The following CACNA2D1 variants were observed in gnomAD, a reference collection of about 807,000 sequenced individuals.
The protein encoded by CACNA2D1 is voltage-dependent calcium channel subunit alpha-2/delta-1.
A neutral mutation model predicts 171.5 loss-of-function variants in CACNA2D1; 53 were observed. The observed-to-expected ratio is 0.31, with a 90% CI of 0.25 to 0.39. The LOEUF (loss-of-function observed/expected upper bound fraction) is 0.39, where lower values mean the gene tolerates loss of function less well. Ranked by LOEUF, CACNA2D1 falls within the 10% of genes least tolerant of loss-of-function variation. CACNA2D1 has a pLI of 1.00. For synonymous variants in CACNA2D1, 442 were observed against 443.1 expected, an observed-to-expected ratio of 1.00 and a Z score of 0.03; for missense variants, 903 against 1,299.8, an observed-to-expected ratio of 0.69 and a Z score of 4.69.
rs116337821 is a variant in CACNA2D1 at position 82,371,882 on chromosome 7, G to A, written c.96-22233C>T. Among the ~76,000 whole-genome samples the A allele has an allele frequency of 3.0e-3, 456 of 152,140 alleles. 1 individual carries two copies. Among genetic ancestry groups the A allele is most frequent in the African/African-American group, 0.01 (420 of 41,522 alleles). On this transcript the variant is annotated intron_variant, in intron 1 of 38. Transcript: ENST00000356860. ...GCCCAGCCAGCTTTAATTCTTTTAA[G>A]AACCAATAATTATTTCCATTAGAAC... is the stretch of plus-strand genomic sequence containing the variant.
intron 1 of CACNA2D1, among the ~76,000 whole-genome samples, chr7:82,426,616 G>C (rs1188324340): frequency 6.6e-6 from 1 of 152,108 alleles, no homozygotes; most frequent in African/African-American, 2.4e-5. Context: ...GGTAATTATT[G>C]CTTATGTATC....
chr7:82,386,943 T>A (rs1438667518), intron 1 of CACNA2D1, among the ~76,000 whole-genome samples: 1 of 151,972 alleles, frequency 6.6e-6, no homozygotes, highest in East Asian at 1.9e-4. Context: ...GTAAATATAA[T>A]TACATCTAAG....
At chr7:81,966,327 A>G (rs1484074449) in intron 31 of CACNA2D1, among the ~76,000 whole-genome samples, 1 of 151,670 alleles carries the variant, frequency 6.6e-6, no homozygotes, top group Non-Finnish European at 1.5e-5. Flanking sequence ...TGGTTTTCAA[A>G]GTTGAGGATG....
chr7:82,312,709 T>G (rs1415689512), intron 3 of CACNA2D1, among the ~76,000 whole-genome samples: 2 of 151,554 alleles, frequency 1.3e-5, no homozygotes, highest in Non-Finnish European at 2.9e-5. Context: ...ATTTTTTGCA[T>G]TTTTAGTACA....
At chr7:82,247,660 T>G (rs1272972439) in intron 3 of CACNA2D1, among the ~76,000 whole-genome samples, 1 of 152,224 alleles carries the variant, frequency 6.6e-6, no homozygotes, top group East Asian at 1.9e-4. Context: ...GACATCAGGT[T>G]GACAAAGTCA....
chr7:82,000,771 C>CTTTTTTTTTTTTTTTTTTTTTTT lies in CACNA2D1; in HGVS notation c.1591-3544_1591-3522dup, dbSNP rs774565705. On this transcript the variant is annotated intron_variant, in intron 18 of 38. Transcript: ENST00000356860. ...TACCATGCCTAACTAATTTTTCTTTCTTTTTTTTTTTTTTTTTTTTTTTTT... is the reference window on the plus strand; with the variant it reads ...TACCATGCCTAACTAATTTTTCTTTCTTTTTTTTTTTTTTTTTTTTTTTTTTTTTTTTTTTTTTTTTTTTTTTT... Among the ~76,000 whole-genome samples the CTTTTTTTTTTTTTTTTTTTTTTT allele has an allele frequency of 5.8e-5, 3 of 51,912 alleles. 1 individual carries two copies. The highest frequency in any genetic ancestry group is 1.1e-4 in the Non-Finnish European group (3 of 27,690). The allele number at this position is 51,912 out of a possible 152,430, so 34.1% of individuals were successfully genotyped here. A position where few individuals can be genotyped will look rare whatever the true frequency, so the allele number is the denominator to read the frequency against.
intron 3 of CACNA2D1, among the ~76,000 whole-genome samples, chr7:82,224,325 C>T (rs1802117959): frequency 6.6e-6 from 1 of 152,146 alleles, no homozygotes; most frequent in African/African-American, 2.4e-5. Flanking sequence ...CAGTGGCTCA[C>T]GCCTGTAATG....
At chr7:82,278,329 A>G (rs1447383684) in intron 3 of CACNA2D1, among the ~76,000 whole-genome samples, 2 of 152,202 alleles carry the variant, frequency 1.3e-5, no homozygotes, top group African/African-American at 2.4e-5. Flanking sequence ...CTGTAATCCC[A>G]GCACTTTGGG....
At chr7:81,956,688 C>G (rs1793399024) in intron 38 of CACNA2D1, among the ~76,000 whole-genome samples, 1 of 152,072 alleles carries the variant, frequency 6.6e-6, no homozygotes. Flanking sequence ...ATCACCCCTG[C>G]CTGTGAATTC....
At chr7:81,962,591 T>C (rs918938223) in intron 34 of CACNA2D1, 96 bp from the exon 35 acceptor site, 20 of 773,382 alleles carry the variant, frequency 2.6e-5, no homozygotes, top group Middle Eastern at 3.5e-4. Flanking sequence ...TTTATCTTTT[T>C]GGGAAAGAAA....
At chr7:82,442,715 G>A (rs1197057039) in intron 1 of CACNA2D1, among the ~76,000 whole-genome samples, 1 of 152,192 alleles carries the variant, frequency 6.6e-6, no homozygotes, top group African/African-American at 2.4e-5. Flanking sequence ...CCGCGTGTCT[G>A]CCGACACTTA....
rs79556764 is a variant in CACNA2D1 at position 82,232,121 on chromosome 7, G to A, written c.295-61512C>T. Reference sequence around the variant, plus strand: ...AATAAATACTCAGCAATAGGAATACGAGCCAAAGAGTATGTGTATATTTAT... The same window carrying A: ...AATAAATACTCAGCAATAGGAATACAAGCCAAAGAGTATGTGTATATTTAT... On this transcript the variant is annotated intron_variant, in intron 3 of 38. Coordinates refer to ENST00000356860, the MANE Select transcript of CACNA2D1 (RefSeq NM_000722.4). 6.2e-3 allele frequency among the ~76,000 whole-genome samples: 949 copies of A among 152,040 alleles called. 13 individuals are homozygous for A. The highest frequency in any genetic ancestry group is 0.022 in the African/African-American group (907 of 41,474).
intron 10 of CACNA2D1, among the ~76,000 whole-genome samples, chr7:82,046,731 G>C (rs1396951134): frequency 6.6e-6 from 1 of 152,050 alleles, no homozygotes; most frequent in Non-Finnish European, 1.5e-5. Flanking sequence ...AGATAAAATG[G>C]AATACAATTC....
intron 24 of CACNA2D1, among the ~76,000 whole-genome samples, chr7:81,975,673 G>A (rs1265394197): frequency 6.6e-6 from 1 of 152,044 alleles, no homozygotes; most frequent in Non-Finnish European, 1.5e-5. Flanking sequence ...AAGCATCCGT[G>A]ATTTTGTAAA....
At position 82,084,796 on chromosome 7, in the gene CACNA2D1, C is replaced by T; in HGVS notation, c.631G>A (p.Ala211Thr). 1 of 1,614,040 alleles carries T rather than the reference C, an allele frequency of 6.2e-7. No homozygotes were observed. Among genetic ancestry groups the T allele is most frequent in the Non-Finnish European group, 8.5e-7 (1 of 1,179,916 alleles). ...GGATAATATCGAGCTAGGCCAGTGG[C>T]ACTGCCAAAAACCTGCCACAATAAT... ...PSLLWQVFGSATGLARYYPAS... is the reference protein window; with the variant it reads ...PSLLWQVFGSTTGLARYYPAS... The change falls in exon 7 of 39, where the codon GCC (alanine) becomes ACC (threonine). Residue 211 changes from alanine to threonine, a missense_variant. Transcript: ENST00000356860.
At chr7:82,370,572 T>TGGATGGATGGATGGATGGAC (rs35737652) in intron 1 of CACNA2D1, among the ~76,000 whole-genome samples, 5,699 of 151,158 alleles carry the variant, frequency 0.038, 163 homozygotes, top group Middle Eastern at 0.075. Flanking sequence ...GATGGATGGA[T>TGGATGGATGGATGGATGGAC]GGATGGATAG....
chr7:82,176,615 C>T (rs541179877), intron 3 of CACNA2D1, among the ~76,000 whole-genome samples: 45 of 151,624 alleles, frequency 3.0e-4, no homozygotes, highest in African/African-American at 1.1e-3. Flanking sequence ...AACAGACTAA[C>T]CAGGATGAGT....
intron 3 of CACNA2D1, among the ~76,000 whole-genome samples, chr7:82,177,046 C>T (rs1411460515): frequency 9.1e-6 from 1 of 109,694 alleles, no homozygotes; most frequent in East Asian, 3.1e-4. Context: ...TAGCCAATGA[C>T]AAGATTTAGC....
At chr7:82,360,319 G>C (rs150451735) in intron 1 of CACNA2D1, among the ~76,000 whole-genome samples, 105 of 152,236 alleles carry the variant, frequency 6.9e-4, no homozygotes, top group African/African-American at 2.5e-3. Context: ...GTTAGAAAAT[G>C]AAGATTTAAA....
Sources: gnomAD v4.1 joint callset for allele counts (sites outside exome capture counted in the v4.1 genomes callset) on GRCh38, gnomAD v4.1.1 for gene constraint, MANE v1.5 for transcripts, NCBI Gene and HGNC (gene_info 2026-07-23, HGNC 2026-07-21) for gene names.